LINGO1: variants seen among roughly 807,000 people sequenced by gnomAD.
The protein encoded by LINGO1 is leucine rich repeat and Ig domain containing 1.
In LINGO1, 11 loss-of-function variants were observed where a neutral mutation model predicts 37.3. The ratio of observed to expected loss-of-function variants is 0.29; its 90% CI spans 0.19 to 0.49. The LOEUF (loss-of-function observed/expected upper bound fraction) is 0.49, where lower values mean the gene tolerates loss of function less well. Ranked by LOEUF, LINGO1 falls within the 20% of genes least tolerant of loss-of-function variation. The probability of loss-of-function intolerance (pLI) is 0.99; values close to 1 mark genes in which losing one functional copy is unlikely to be tolerated. For synonymous variants in LINGO1, 387 were observed against 403.0 expected (o/e 0.96, Z 0.48); for missense variants, 585 against 878.2 (o/e 0.67, Z 4.22).
chr15:77,704,906 T>C (rs1356251150), intron 2 of LINGO1, among the ~76,000 whole-genome samples: 5 of 152,128 alleles, frequency 3.3e-5, no homozygotes, highest in South Asian at 2.1e-4. Context: ...CTGACCCTGG[T>C]TGCACATAGC....
chr15:77,752,187 C>T (rs573560528), intron 1 of LINGO1, among the ~76,000 whole-genome samples: 1 of 152,186 alleles, frequency 6.6e-6, no homozygotes, highest in Non-Finnish European at 1.5e-5. Context: ...AAAATGTTGG[C>T]CCTGCCTGCC....
intron 1 of LINGO1, among the ~76,000 whole-genome samples, chr15:77,762,620 C>T (rs754876591): frequency 6.6e-6 from 1 of 152,148 alleles, no homozygotes; most frequent in South Asian, 2.1e-4. Context: ...ACACAGGGGT[C>T]GAGGCTTTGA....
chr15:77,817,041 G>A (rs2077053860), intron 1 of LINGO1, among the ~76,000 whole-genome samples: 1 of 54,890 alleles, frequency 1.8e-5, no homozygotes, highest in Admixed American at 2.9e-4. Context: ...GCCAACAAGG[G>A]AGGAGCAGGG....
intron 1 of LINGO1, among the ~76,000 whole-genome samples, chr15:77,786,309 A>T (rs2076770436): frequency 6.6e-6 from 1 of 152,086 alleles, no homozygotes; most frequent in Non-Finnish European, 1.5e-5. Context: ...GCCACCCAGT[A>T]AGTGGCAGGG....
chr15:77,721,381 T>C (rs1240492572), intron 2 of LINGO1, among the ~76,000 whole-genome samples: 1 of 151,944 alleles, frequency 6.6e-6, no homozygotes, highest in African/African-American at 2.4e-5. Flanking sequence ...GGCTCACACA[T>C]TCATCCTGCA....
At chr15:77,790,269 G>T (rs2076808357), upstream of LINGO1, among the ~76,000 whole-genome samples, 1 of 152,188 alleles carries the variant, frequency 6.6e-6, no homozygotes, top group African/African-American at 2.4e-5. Flanking sequence ...ACCCTAGTTT[G>T]TTCAACTTAT....
intron 1 of LINGO1, among the ~76,000 whole-genome samples, chr15:77,621,096 C>T (rs538716475): frequency 6.6e-6 from 1 of 150,858 alleles, no homozygotes; most frequent in South Asian, 2.1e-4. Flanking sequence ...ACTGTGTTGC[C>T]CAGGCTGGAG....
At chr15:77,633,130 G>A (rs902692682), upstream of LINGO1, among the ~76,000 whole-genome samples, 1 of 151,864 alleles carries the variant, frequency 6.6e-6, no homozygotes, top group African/African-American at 2.4e-5. Context: ...GGGGTGCGCA[G>A]GCGAGGGGCG....
chr15:77,783,095 C>A (rs1317422335), intron 1 of LINGO1, among the ~76,000 whole-genome samples: 1 of 152,174 alleles, frequency 6.6e-6, no homozygotes, highest in African/African-American at 2.4e-5. Flanking sequence ...TTCAGAGAGG[C>A]CTGCCTGGAT....
At chr15:77,637,490 T>C (rs1160180615), upstream of LINGO1, among the ~76,000 whole-genome samples, 2 of 152,216 alleles carry the variant, frequency 1.3e-5, no homozygotes, top group Non-Finnish European at 2.9e-5. This position sits in a 1 kb window ranked among gnomAD's most constrained non-coding sequence, Gnocchi z 4.6. Context: ...CGGGGCTGTA[T>C]GTCCCTGGAC....
intron 2 of LINGO1, among the ~76,000 whole-genome samples, chr15:77,702,666 G>A (rs1481461849): frequency 6.6e-6 from 1 of 152,152 alleles, no homozygotes; most frequent in Non-Finnish European, 1.5e-5. Context: ...CATGGTGGTG[G>A]TTTGGTTCAG....
Position 77,632,222 on chromosome 15 carries a change from G to C in LINGO1, c.6+88C>G, listed in dbSNP as rs999799742. 9.6e-5 allele frequency: 123 copies of C among 1,275,464 alleles called. No homozygotes were observed. Among genetic ancestry groups the C allele is most frequent in the Non-Finnish European group, 1.6e-5 (16 of 1,007,662 alleles). 79.0% of individuals were successfully genotyped at this position (1,275,464 alleles called of 1,614,324 possible). ...GCACCGAGGTGCCCTGCAACCCCAGGAGGGCGCAGCCAGGGCCGATGGCGG... is the reference window on the plus strand; with the variant it reads ...GCACCGAGGTGCCCTGCAACCCCAGCAGGGCGCAGCCAGGGCCGATGGCGG... On this transcript the variant is annotated intron_variant, in intron 1 of 1. Transcript: ENST00000355300. This position sits in a 1 kb window ranked among gnomAD's most constrained non-coding sequence, Gnocchi z 6.0.
At chr15:77,722,191 G>C (rs11637705) in intron 2 of LINGO1, among the ~76,000 whole-genome samples, 1 of 151,432 alleles carries the variant, frequency 6.6e-6, no homozygotes, top group Non-Finnish European at 1.5e-5. Flanking sequence ...CTTTTAAATG[G>C]CCCGGTAAAG....
chr15:77,680,831 T>C (rs1407483641), intron 2 of LINGO1, among the ~76,000 whole-genome samples: 1 of 152,112 alleles, frequency 6.6e-6, no homozygotes, highest in Non-Finnish European at 1.5e-5. Flanking sequence ...GGCCTTGGAG[T>C]GCAAACTTAA....
chr15:77,773,776 C>A lies in LINGO1; in HGVS notation c.-257+13093G>T, dbSNP rs1017861671. On this transcript the variant is annotated intron_variant, in intron 1 of 3. Coordinates refer to the LINGO1 transcript ENST00000561686. ...GACCTCTCTCTGACTTTGCCCAGGG[C>A]AAAGCTTCTCTTCCAAAGCCCTCAG... 1.2e-4 allele frequency among the ~76,000 whole-genome samples: 18 copies of A among 151,606 alleles called. 1 individual carries two copies. The highest frequency in any genetic ancestry group is 1.7e-4 in the African/African-American group (7 of 40,910).
At chr15:77,641,364 G>A (rs1426596172) in intron 3 of LINGO1, among the ~76,000 whole-genome samples, 1 of 152,200 alleles carries the variant, frequency 6.6e-6, no homozygotes, top group African/African-American at 2.4e-5. Flanking sequence ...GTAATTATGT[G>A]CAAAAACGAA....
intron 2 of LINGO1, among the ~76,000 whole-genome samples, chr15:77,688,515 C>T (rs904959225): frequency 6.6e-6 from 1 of 152,170 alleles, no homozygotes; most frequent in Non-Finnish European, 1.5e-5. Flanking sequence ...GCAGAGTGGG[C>T]ACTGTACTGG....
chr15:77,647,993 C>T (rs72546309), intron 3 of LINGO1: 40,057 of 451,514 alleles, frequency 0.089, 2,317 homozygotes, highest in Admixed American at 0.19. Flanking sequence ...CTCCTTCTTT[C>T]CTCCCTCTCT....
At chr15:77,631,214 G>A (rs2074244572) in intron 1 of LINGO1, among the ~76,000 whole-genome samples, 1 of 152,106 alleles carries the variant, frequency 6.6e-6, no homozygotes, top group Admixed American at 6.5e-5. Context: ...TGGGCTATGC[G>A]CCCTCTGGCT....
Sources: gnomAD v4.1 joint callset for allele counts (sites outside exome capture counted in the v4.1 genomes callset) on GRCh38, gnomAD v4.1.1 for gene constraint, Gnocchi (gnomAD v3.1) non-coding constraint, MANE v1.5 for transcripts, NCBI Gene and HGNC (gene_info 2026-07-23, HGNC 2026-07-21) for gene names.